Variants in HTR7 observed in about 807,000 individuals in gnomAD.
HTR7 encodes the protein 5-HT-7.
HTR7 carries 16 observed loss-of-function variants against 34.0 expected under a neutral mutation model. The ratio of observed to expected loss-of-function variants is 0.47; its 90% CI spans 0.32 to 0.71. HTR7 has a LOEUF of 0.71. Among genes scored for constraint, HTR7 ranks in the 30% least tolerant of loss-of-function variants. The probability of loss-of-function intolerance (pLI) is 0.04; values close to 1 mark genes in which losing one functional copy is unlikely to be tolerated. For missense variants in HTR7, 504 were observed against 625.5 expected, an observed-to-expected ratio of 0.81 and a Z score of 2.07; for synonymous variants, 265 against 260.2, an observed-to-expected ratio of 1.02 and a Z score of -0.18.
intron 1 of HTR7, among the ~76,000 whole-genome samples, chr10:90,849,817 A>T (rs1846469939): frequency 6.6e-6 from 1 of 152,238 alleles, no homozygotes. Flanking sequence ...GATAAAGCAC[A>T]AATACACACA....
intron 1 of HTR7, among the ~76,000 whole-genome samples, chr10:90,831,485 G>C (rs751923974): frequency 2.1e-4 from 32 of 152,210 alleles, no homozygotes; most frequent in Non-Finnish European, 4.0e-4. Flanking sequence ...GCTCATAAAA[G>C]CAGTGTGGAC....
chr10:90,756,012 T>C (rs1427836117), intron 1 of HTR7, among the ~76,000 whole-genome samples: 1 of 152,242 alleles, frequency 6.6e-6, no homozygotes, highest in African/African-American at 2.4e-5. Flanking sequence ...CTGTGGCATA[T>C]TTATGCAATG....
At position 90,832,289 on chromosome 10, in the gene HTR7, G is replaced by A. The variant is rs564015031; in HGVS notation, c.539+24844C>T. 1.1e-3 allele frequency among the ~76,000 whole-genome samples: 170 copies of A among 152,316 alleles called. 2 individuals are homozygous for A. The Middle Eastern group carries it at 0.037, about 34-fold the overall frequency. On this transcript the variant is annotated intron_variant, in intron 1 of 3. Coordinates refer to ENST00000336152, the MANE Select transcript of HTR7 (RefSeq NM_019859.4). ...CCACGGTGGGTGTAGGGGAGACCCA[G>A]GCATGGTGGGATGCAGGTCCCAAGC... is the stretch of plus-strand genomic sequence containing the variant.
chr10:90,817,522 T>C (rs12246189), intron 1 of HTR7, among the ~76,000 whole-genome samples: 9,486 of 152,292 alleles, frequency 0.062, 370 homozygotes, highest in African/African-American at 0.1. Flanking sequence ...GTAGATTTAC[T>C]GGGCACTAAC....
intron 1 of HTR7, among the ~76,000 whole-genome samples, chr10:90,796,336 A>G (rs941018535): frequency 6.6e-6 from 1 of 152,270 alleles, no homozygotes; most frequent in Non-Finnish European, 1.5e-5. Flanking sequence ...TGTATCAGGG[A>G]AACTGTTCCA....
chr10:90,783,681 A>C (rs78579212), intron 1 of HTR7, among the ~76,000 whole-genome samples: 2,602 of 152,296 alleles, frequency 0.017, 85 homozygotes, highest in African/African-American at 0.058. Flanking sequence ...CTAGAAATAA[A>C]CTGGATTTTA....
intron 1 of HTR7, among the ~76,000 whole-genome samples, chr10:90,831,570 A>T (rs1351832909): frequency 6.6e-6 from 1 of 152,210 alleles, no homozygotes; most frequent in African/African-American, 2.4e-5. Flanking sequence ...AAGGGACCCC[A>T]GCGGGTTGCC....
chr10:90,803,920 T>C (rs1845666413), intron 1 of HTR7, among the ~76,000 whole-genome samples: 1 of 152,160 alleles, frequency 6.6e-6, no homozygotes, highest in Non-Finnish European at 1.5e-5. Context: ...TTCACATCCC[T>C]GTTTCTCCCA....
chr10:90,816,564 A>G (rs917902238), intron 1 of HTR7, among the ~76,000 whole-genome samples: 2 of 152,214 alleles, frequency 1.3e-5, no homozygotes, highest in African/African-American at 4.8e-5. Context: ...CTCTCATGGA[A>G]TAAGTTCCTC....
chr10:90,813,322 G>A (rs1391073133), intron 1 of HTR7, among the ~76,000 whole-genome samples: 1 of 152,112 alleles, frequency 6.6e-6, no homozygotes, highest in East Asian at 1.9e-4. Flanking sequence ...AGGAGGTCAA[G>A]ACCAGCCTGG....
chr10:90,846,016 T>C (rs1328385476), intron 1 of HTR7, among the ~76,000 whole-genome samples: 1 of 152,198 alleles, frequency 6.6e-6, no homozygotes, highest in African/African-American at 2.4e-5. Context: ...AAAGTGTATA[T>C]AAACATCTGT....
At chr10:90,792,896 G>A (rs1282614269) in intron 1 of HTR7, among the ~76,000 whole-genome samples, 4 of 148,152 alleles carry the variant, frequency 2.7e-5, no homozygotes, top group Non-Finnish European at 5.9e-5. Flanking sequence ...GAAAATTAAC[G>A]ACAAAAAAAA....
At chr10:90,792,155 T>C (rs932247978) in intron 1 of HTR7, among the ~76,000 whole-genome samples, 1 of 152,150 alleles carries the variant, frequency 6.6e-6, no homozygotes, top group Non-Finnish European at 1.5e-5. Context: ...AAAAACATAA[T>C]TATGAATCCA....
chr10:90,757,462 T>C (rs1309652901), intron 1 of HTR7, among the ~76,000 whole-genome samples: 2 of 152,194 alleles, frequency 1.3e-5, no homozygotes, highest in Non-Finnish European at 2.9e-5. Flanking sequence ...TAGCGGGATG[T>C]TGTCTGGTCC....
At chr10:90,791,307 T>C (rs1380875992) in intron 1 of HTR7, among the ~76,000 whole-genome samples, 2 of 151,994 alleles carry the variant, frequency 1.3e-5, no homozygotes, top group Non-Finnish European at 2.9e-5. Context: ...TATGTACACA[T>C]AAATAATGTA....
intron 1 of HTR7, among the ~76,000 whole-genome samples, chr10:90,793,171 A>C (rs1845485604): frequency 1.3e-5 from 2 of 152,144 alleles, no homozygotes; most frequent in Admixed American, 1.3e-4. Context: ...ATTAATATCC[A>C]GAATATATTC....
chr10:90,758,287 G>T (rs1055089163), intron 1 of HTR7, among the ~76,000 whole-genome samples: 1 of 129,836 alleles, frequency 7.7e-6, no homozygotes, highest in Non-Finnish European at 1.6e-5. Context: ...GGAGGTTGCA[G>T]TGAGCAGAGA....
intron 1 of HTR7, among the ~76,000 whole-genome samples, chr10:90,804,870 G>A (rs1238568209): frequency 6.6e-6 from 1 of 152,038 alleles, no homozygotes; most frequent in African/African-American, 2.4e-5. Flanking sequence ...CAATGTCATA[G>A]AAGGGACCAA....
At chr10:90,758,982 G>A (rs1844884738) in intron 1 of HTR7, among the ~76,000 whole-genome samples, 1 of 151,726 alleles carries the variant, frequency 6.6e-6, no homozygotes, top group South Asian at 2.1e-4. Flanking sequence ...GAGGTCGGGA[G>A]TTGGAGACCA....
Sources: allele counts gnomAD v4.1 joint callset (sites outside exome capture counted in the v4.1 genomes callset), GRCh38; gene constraint gnomAD v4.1.1; transcripts MANE v1.5; gene names NCBI Gene and HGNC (gene_info 2026-07-23, HGNC 2026-07-21).